Variants in TNNT2 observed in about 807,000 individuals in gnomAD.
TNNT2 encodes the protein troponin T, cardiac muscle.
Under a neutral mutation model 62.4 loss-of-function variants are expected in TNNT2, and 34 were observed. The ratio of observed to expected loss-of-function variants is 0.54; its 90% CI spans 0.41 to 0.72. TNNT2 has a LOEUF of 0.72. Among genes scored for constraint, TNNT2 ranks in the 30% least tolerant of loss-of-function variants. The probability of loss-of-function intolerance (pLI) is 0.00; values close to 1 mark genes in which losing one functional copy is unlikely to be tolerated. For synonymous variants in TNNT2, 123 were observed against 127.2 expected, an observed-to-expected ratio of 0.97 and a Z score of 0.22; for missense variants, 275 against 381.9, an observed-to-expected ratio of 0.72 and a Z score of 2.33.
chr1:201,370,550 G>A (rs1660470859), intron 4 of TNNT2, among the ~76,000 whole-genome samples: 1 of 152,228 alleles, frequency 6.6e-6, no homozygotes, highest in Non-Finnish European at 1.5e-5. Context: ...CCTGGAAGAA[G>A]GACACCTGGC....
At chr1:201,373,702 T>C (rs1223654874) in intron 1 of TNNT2, 3 of 269,026 alleles carry the variant, frequency 1.1e-5, no homozygotes, top group African/African-American at 6.6e-5. Context: ...GCCTCCTGAG[T>C]TGCTGGGACT....
In TNNT2 at chr1:201,366,900, G is replaced by A. The variant is rs45449197; in HGVS notation, c.200-29C>T. 5 of 1,614,100 alleles carry A rather than the reference G, an allele frequency of 3.1e-6. No homozygotes were observed. The East Asian group carries it at 1.1e-4, about 36-fold the overall frequency. ...GAGGAGATAGAAGCACACAGCCATG[G>A]GTCAGGGGGCCCCAGAAGTGGTCCC... On this transcript the variant is annotated intron_variant, in intron 7 of 16. Transcript: ENST00000656932.
rs1163988785 is a variant in TNNT2 at position 201,364,988 on chromosome 1, T to TG, written c.411+202dup. Among the ~76,000 whole-genome samples the TG allele has an allele frequency of 4.6e-5, 7 of 151,682 alleles. No homozygotes were observed. In the East Asian group the frequency reaches 1.4e-3, roughly 30 times the overall value. ...GGCAGTCAAGGAGCATCCAGTAGGA[T>TG]GGGGAGGGAAGGCAGGGACCCGAGA... On this transcript the variant is annotated intron_variant, in intron 10 of 16. Coordinates refer to ENST00000656932, the MANE Select transcript of TNNT2 (RefSeq NM_001276345.2).
chr1:201,363,167 A>C, intron 12 of TNNT2, 129 bp downstream of exon 12: 1 of 1,585,222 alleles, frequency 6.3e-7, no homozygotes, highest in Non-Finnish European at 8.6e-7. Flanking sequence ...AGGAGACCTC[A>C]GTCTTCCACC....
chr1:201,369,280 C>G (rs1660209156), intron 5 of TNNT2: 1 of 472,284 alleles, frequency 2.1e-6, no homozygotes, highest in Non-Finnish European at 4.4e-6. Context: ...ACTCCCTTGC[C>G]TTGGTCCTGT....
Position 201,361,266 on chromosome 1 carries a change from C to T in TNNT2, c.810+13G>A. ...AGATGGAGATGCTGGGCGGGGACAG[C>T]ATGGCGGCCCACCTCATATTTCTGC... On this transcript the variant is annotated intron_variant, in intron 15 of 16. Transcript: ENST00000656932. The T allele has an allele frequency of 4.3e-6, 7 of 1,613,776 alleles. No individual in the cohort carries two copies. The highest frequency in any genetic ancestry group is 5.9e-6 in the Non-Finnish European group (7 of 1,179,664).
intron 1 of TNNT2, among the ~76,000 whole-genome samples, chr1:201,376,660 C>T (rs1661441766): frequency 6.6e-6 from 1 of 152,120 alleles, no homozygotes; most frequent in Non-Finnish European, 1.5e-5. Flanking sequence ...AGCTTCCCGG[C>T]TACAGCAGGC....
At chr1:201,369,198 C>T (rs934825843) in intron 5 of TNNT2, 5 of 443,618 alleles carry the variant, frequency 1.1e-5, no homozygotes, top group Admixed American at 4.8e-5. Flanking sequence ...AGCTTACTGC[C>T]TCCCCAACCC....
chr1:201,373,207 T>TA lies in TNNT2; in HGVS notation c.41+6dup, dbSNP rs1479180367. The TA allele has an allele frequency of 6.2e-7, 1 of 1,614,074 alleles. No homozygotes were observed. The highest frequency in any genetic ancestry group is 8.5e-7 in the Non-Finnish European group (1 of 1,179,954). On this transcript the variant is annotated splice_region_variant and intron_variant, in intron 2 of 16. Transcript: ENST00000656932. The stretch of plus-strand genomic sequence containing the variant: ...CCCCACTCAGGCAAGATGCTCCAGA[T>TA]ACTCACTCCTCCTCGTACTCTTCCA...
At chr1:201,363,994 C>A in intron 11 of TNNT2, 1 of 402,734 alleles carries the variant, frequency 2.5e-6, no homozygotes. Context: ...TCAAGCGATT[C>A]TCCTGCCTCA....
At chr1:201,364,431 A>G (rs2102254784) in intron 10 of TNNT2, 56 bp from the exon 11 acceptor site, 1 of 1,574,370 alleles carries the variant, frequency 6.4e-7, no homozygotes. Context: ...GTGACATCGC[A>G]GGTACAGAAA....
At chr1:201,376,663 C>T (rs1285228229) in intron 1 of TNNT2, among the ~76,000 whole-genome samples, 1 of 152,186 alleles carries the variant, frequency 6.6e-6, no homozygotes, top group Non-Finnish European at 1.5e-5. Context: ...TTCCCGGCTA[C>T]AGCAGGCCAG....
rs377188760 is a variant in TNNT2, at chr1:201,366,680, C to T, written c.233+158G>A. On this transcript the variant is annotated intron_variant, in intron 8 of 16. Coordinates refer to ENST00000656932, the MANE Select transcript of TNNT2 (RefSeq NM_001276345.2). Reference sequence around the variant, plus strand: ...CCTCACTCACTCCCTTAGGAAGAGACGCTTGTGCAGTACACAACTTGTACA... The same window carrying T: ...CCTCACTCACTCCCTTAGGAAGAGATGCTTGTGCAGTACACAACTTGTACA... 294 of 1,551,792 alleles carry T rather than the reference C, an allele frequency of 1.9e-4. 3 individuals carry two copies. In the South Asian group the frequency reaches 2.4e-3, roughly 13 times the overall value.
intron 1 of TNNT2, among the ~76,000 whole-genome samples, chr1:201,375,989 A>G (rs1661343010): frequency 6.6e-6 from 1 of 152,240 alleles, no homozygotes; most frequent in African/African-American, 2.4e-5. Context: ...CCACCATGCC[A>G]GTGGCTCAAA....
At position 201,368,176 on chromosome 1, in the gene TNNT2, T is replaced by C. The variant is rs1224117594; in HGVS notation, c.149A>G (p.Glu50Gly). Reference sequence around the variant, plus strand: ...CAGAGACTTACCTTCTGCCCTGGTCTCCTCGGTCTCAGCCTCTGCTTCAGC... The same window carrying C: ...CAGAGACTTACCTTCTGCCCTGGTCCCCTCGGTCTCAGCCTCTGCTTCAGC... ...EDAEAEAETE[E>G]TRAEEDEEEE... Residue 50 changes from glutamate to glycine, a missense_variant, in exon 6 of 17, where the codon GAG (glutamate) becomes GGG (glycine). Physicochemically the swap from Glu to Gly is moderately conservative, Grantham distance 98 (BLOSUM62 -2). Coordinates refer to ENST00000656932, the MANE Select transcript of TNNT2 (RefSeq NM_001276345.2). The C allele has an allele frequency of 6.2e-7, 1 of 1,613,986 alleles. No homozygotes were observed. Among genetic ancestry groups the C allele is most frequent in the African/African-American group, 1.3e-5 (1 of 74,908 alleles).
rs12567382 is a variant in TNNT2 at position 201,373,432 on chromosome 1, T to C, written c.-14-164A>G. The C allele has an allele frequency of 0.051, 34,888 of 685,848 alleles. 2,161 individuals carry two copies. The highest frequency in any genetic ancestry group is 0.2 in the African/African-American group (11,467 of 56,642). The allele number at this position is 685,848 out of a possible 1,614,324, so 42.5% of individuals were successfully genotyped here. On this transcript the variant is annotated intron_variant, in intron 1 of 16. Coordinates refer to ENST00000656932, the MANE Select transcript of TNNT2 (RefSeq NM_001276345.2). ...ACAAAAAGCCTGTTTTCTCCCCTGC[T>C]GGGGGAGATAGTGACACCCACATGG...
rs555664250 is a variant in TNNT2, at chr1:201,372,189, C to T, written c.42-34G>A. On this transcript the variant is annotated intron_variant, in intron 2 of 16. Transcript: ENST00000656932. ...AACAGGAAACACTGTCAGTAGCTCGCACACAAGCACATGCAAACACACACG... is the reference window on the plus strand; with the variant it reads ...AACAGGAAACACTGTCAGTAGCTCGTACACAAGCACATGCAAACACACACG... The T allele has an allele frequency of 5.0e-6, 8 of 1,613,982 alleles. No homozygotes were observed. In the African/African-American group the frequency reaches 5.3e-5, roughly 11 times the overall value.
chr1:201,372,009 C>T lies in TNNT2; in HGVS notation c.67+18G>A. The T allele has an allele frequency of 6.2e-7, 1 of 1,613,922 alleles. No homozygotes were observed. The highest frequency in any genetic ancestry group is 8.5e-7 in the Non-Finnish European group (1 of 1,180,002). On this transcript the variant is annotated intron_variant, in intron 4 of 16. Transcript: ENST00000656932. ...GAGCCTGCCCCTTTCTGGCTCTCCA[C>T]CTGCCTGAGGCACATACCTTCAACA...
Position 201,367,801 on chromosome 1 carries a change from C to T in TNNT2, c.169G>A (p.Glu57Lys). 6.2e-7 allele frequency: 1 copy of T among 1,614,184 alleles called. No homozygotes were observed. Among genetic ancestry groups the T allele is most frequent in the Non-Finnish European group, 8.5e-7 (1 of 1,180,028 alleles). Reference sequence around the variant, plus strand: ...GCCTCCTTTGCTTCCTCTTCTTCTTCATCTTCTAAATGAAACACGAGAAAT... The same window carrying T: ...GCCTCCTTTGCTTCCTCTTCTTCTTTATCTTCTAAATGAAACACGAGAAAT... The part of the protein sequence containing the change: ...ETEETRAEED[E>K]EEEEAKEAED... Residue 57 changes from glutamate (E) to lysine (K), a missense_variant, in exon 7 of 17, where the codon GAA becomes AAA. Coordinates refer to ENST00000656932, the MANE Select transcript of TNNT2 (RefSeq NM_001276345.2).
Sources: gnomAD v4.1 joint callset for allele counts (sites outside exome capture counted in the v4.1 genomes callset) on GRCh38, gnomAD v4.1.1 for gene constraint, MANE v1.5 for transcripts, NCBI Gene and HGNC (gene_info 2026-07-23, HGNC 2026-07-21) for gene names.